EPHA6: variants seen among roughly 807,000 people sequenced by gnomAD.
The protein encoded by EPHA6 is EPH receptor A6.
In EPHA6, 50 loss-of-function variants were observed where a neutral mutation model predicts 112.0. The observed-to-expected ratio is 0.45, with a 90% CI of 0.36 to 0.56. The LOEUF is 0.56. Ranked by LOEUF, EPHA6 falls within the 20% of genes least tolerant of loss-of-function variation. The pLI, the probability that EPHA6 is intolerant of heterozygous loss-of-function variation, is 0.00. For synonymous variants in EPHA6, 529 were observed against 490.7 expected, an observed-to-expected ratio of 1.08 and a Z score of -1.03; for missense variants, 1,280 against 1,417.4, an observed-to-expected ratio of 0.90 and a Z score of 1.56.
intron 10 of EPHA6, among the ~76,000 whole-genome samples, chr3:97,526,849 T>C (rs530684268): frequency 4.6e-5 from 7 of 151,540 alleles, no homozygotes; most frequent in African/African-American, 1.7e-4. Flanking sequence ...AGGCTGACAG[T>C]CTAATGGCAC....
At chr3:96,970,214 G>A (rs566645220) in intron 2 of EPHA6, among the ~76,000 whole-genome samples, 3 of 150,206 alleles carry the variant, frequency 2.0e-5, no homozygotes, top group South Asian at 2.1e-4. Flanking sequence ...TCTAAATACC[G>A]TTTTCCTCTT....
intron 1 of EPHA6, among the ~76,000 whole-genome samples, chr3:96,846,542 A>G (rs2035084100): frequency 6.6e-6 from 1 of 152,060 alleles, no homozygotes; most frequent in African/African-American, 2.4e-5. Context: ...TAAGCCAAAC[A>G]TACTTGGAAA....
intron 3 of EPHA6, among the ~76,000 whole-genome samples, chr3:97,050,300 A>G (rs1378293400): frequency 6.6e-6 from 1 of 152,180 alleles, no homozygotes; most frequent in Non-Finnish European, 1.5e-5. Context: ...TTGACTAGGA[A>G]GAAGATTTCA....
At chr3:96,888,713 C>T (rs1575933170) in intron 2 of EPHA6, among the ~76,000 whole-genome samples, 1 of 152,242 alleles carries the variant, frequency 6.6e-6, no homozygotes, top group South Asian at 2.1e-4. Context: ...GGCCTCTGGG[C>T]CTGTGATGGG....
intron 1 of EPHA6, among the ~76,000 whole-genome samples, chr3:96,853,591 A>T (rs933235996): frequency 9.2e-5 from 14 of 152,056 alleles, no homozygotes; most frequent in African/African-American, 2.7e-4. Context: ...ATTCTTTCAG[A>T]TTAGTTATAT....
intron 2 of EPHA6, among the ~76,000 whole-genome samples, chr3:96,905,974 T>C (rs941513062): frequency 1.7e-4 from 26 of 152,120 alleles, no homozygotes; most frequent in African/African-American, 6.3e-4. Context: ...TATATGGATT[T>C]GTACATCAAA....
intron 3 of EPHA6, among the ~76,000 whole-genome samples, chr3:97,225,997 G>A (rs935375542): frequency 6.6e-5 from 10 of 152,106 alleles, no homozygotes; most frequent in South Asian, 2.1e-4. Flanking sequence ...GCACGTGCCC[G>A]TGTGAGTGTG....
At chr3:96,823,670 T>C (rs2033445752) in intron 1 of EPHA6, among the ~76,000 whole-genome samples, 1 of 151,814 alleles carries the variant, frequency 6.6e-6, no homozygotes, top group African/African-American at 2.4e-5. Context: ...TGAAATAAAA[T>C]GAAATCTATG....
chr3:97,422,990 G>C (rs888806868), intron 6 of EPHA6, among the ~76,000 whole-genome samples: 1 of 152,176 alleles, frequency 6.6e-6, no homozygotes. Context: ...ACAAGGCATT[G>C]AAGGAACATA....
intron 5 of EPHA6, among the ~76,000 whole-genome samples, chr3:97,387,688 C>G (rs1013786488): frequency 6.6e-6 from 1 of 152,176 alleles, no homozygotes; most frequent in Non-Finnish European, 1.5e-5. Flanking sequence ...TGTTCCAACA[C>G]TTGCCAGTTG....
At chr3:97,587,657 G>A (rs1035896778) in intron 11 of EPHA6, among the ~76,000 whole-genome samples, 4 of 152,060 alleles carry the variant, frequency 2.6e-5, no homozygotes, top group Non-Finnish European at 5.9e-5. Context: ...TAGTGCTCCT[G>A]GTGGTTTTTT....
intron 14 of EPHA6, among the ~76,000 whole-genome samples, chr3:97,639,624 C>A (rs768668684): frequency 2.8e-4 from 43 of 152,024 alleles, no homozygotes; most frequent in Non-Finnish European, 5.1e-4. Flanking sequence ...ATTTTAACTG[C>A]TTTTTAAAAT....
In EPHA6 at chr3:97,314,175, T is replaced by A. The variant is rs959848023; in HGVS notation, c.1606+69888T>A. On this transcript the variant is annotated intron_variant, in intron 5 of 17. Coordinates refer to ENST00000389672, the MANE Select transcript of EPHA6 (RefSeq NM_001080448.3). Reference sequence around the variant, plus strand: ...GTATTCTTGGCACCTTTGTCAAAAATTAATTGACCGTAAACATGGTGTTTA... The same window carrying A: ...GTATTCTTGGCACCTTTGTCAAAAAATAATTGACCGTAAACATGGTGTTTA... Among the ~76,000 whole-genome samples, 28 of 151,778 alleles carry A rather than the reference T, an allele frequency of 1.8e-4. 1 individual carries two copies. Among genetic ancestry groups the A allele is most frequent in the Non-Finnish European group, 2.2e-4 (15 of 67,700 alleles).
chr3:96,964,925 T>C (rs1046899352), intron 2 of EPHA6, among the ~76,000 whole-genome samples: 1 of 152,152 alleles, frequency 6.6e-6, no homozygotes, highest in Non-Finnish European at 1.5e-5. Context: ...AATTGAGCAA[T>C]GAACAATTCA....
At chr3:97,608,454 GA>G (rs552725698) in intron 12 of EPHA6, among the ~76,000 whole-genome samples, 236 of 151,352 alleles carry the variant, frequency 1.6e-3, no homozygotes, top group Non-Finnish European at 2.2e-3. Context: ...GTGACCTTGA[GA>G]AACCCAGTGA....
At chr3:97,376,782 A>G (rs2085387942) in intron 5 of EPHA6, among the ~76,000 whole-genome samples, 1 of 152,224 alleles carries the variant, frequency 6.6e-6, no homozygotes, top group Non-Finnish European at 1.5e-5. Flanking sequence ...CTAAGAAATA[A>G]TGGATTATGC....
At chr3:97,603,769 T>C (rs1031985201) in intron 12 of EPHA6, among the ~76,000 whole-genome samples, 1 of 151,948 alleles carries the variant, frequency 6.6e-6, no homozygotes, top group African/African-American at 2.4e-5. Context: ...CTCATATAAA[T>C]TGTTTTACTC....
chr3:96,869,336 A>T (rs1372216701), intron 2 of EPHA6, among the ~76,000 whole-genome samples: 2 of 151,784 alleles, frequency 1.3e-5, no homozygotes, highest in Admixed American at 1.3e-4. Flanking sequence ...AATTCTGGTC[A>T]AGGAAAATTG....
At chr3:97,699,772 T>C (rs1289488831) in intron 14 of EPHA6, among the ~76,000 whole-genome samples, 1 of 152,234 alleles carries the variant, frequency 6.6e-6, no homozygotes, top group Non-Finnish European at 1.5e-5. Flanking sequence ...AATTAACTCC[T>C]TTTTAACCAC....
Sources: gnomAD v4.1 joint callset for allele counts (sites outside exome capture counted in the v4.1 genomes callset) on GRCh38, gnomAD v4.1.1 for gene constraint, MANE v1.5 for transcripts, NCBI Gene and HGNC (gene_info 2026-07-23, HGNC 2026-07-21) for gene names.